The following PRKN variants were observed in gnomAD, a reference collection of about 807,000 sequenced individuals.
The protein encoded by PRKN is E3 ubiquitin-protein ligase parkin.
PRKN carries 56 observed loss-of-function variants against 59.5 expected under a neutral mutation model. That is an observed-to-expected ratio of 0.94 (90% CI 0.76 to 1.18). The LOEUF is 1.18. Among genes scored for constraint, PRKN ranks in the 50% most tolerant of loss-of-function variants. The probability of loss-of-function intolerance (pLI) is 0.00; values close to 1 mark genes in which losing one functional copy is unlikely to be tolerated. For missense variants in PRKN, 657 were observed against 596.4 expected (o/e 1.10, Z -1.06); for synonymous variants, 250 against 222.1 (o/e 1.13, Z -1.12).
chr6:161,669,717 T>G (rs1784842587), intron 7 of PRKN, among the ~76,000 whole-genome samples: 1 of 152,264 alleles, frequency 6.6e-6, no homozygotes, highest in Non-Finnish European at 1.5e-5. Flanking sequence ...TTTTATCTGC[T>G]GCAGTGTTGG....
intron 6 of PRKN, among the ~76,000 whole-genome samples, chr6:161,903,517 T>A (rs1778016106): frequency 6.6e-6 from 1 of 152,152 alleles, no homozygotes; most frequent in South Asian, 2.1e-4. Context: ...CAGCCTCTGA[T>A]GGGAGGAAAA....
chr6:162,114,156 C>A (rs1252943279), intron 4 of PRKN, among the ~76,000 whole-genome samples: 2 of 152,082 alleles, frequency 1.3e-5, no homozygotes, highest in Non-Finnish European at 2.9e-5. Flanking sequence ...CGTGATGCCT[C>A]CAGCTTTGTT....
intron 3 of PRKN, among the ~76,000 whole-genome samples, chr6:162,237,472 T>C (rs576737066): frequency 4.1e-4 from 63 of 152,342 alleles, no homozygotes; most frequent in African/African-American, 1.4e-3. Flanking sequence ...TGTTAAATGT[T>C]TGCAATGCCT....
In PRKN at chr6:161,957,708, T is replaced by C. The variant is rs562636374; in HGVS notation, c.734+15594A>G. Among the ~76,000 whole-genome samples, 6 of 152,158 alleles carry C rather than the reference T, an allele frequency of 3.9e-5. No individual in the cohort carries two copies. The South Asian group carries it at 6.2e-4, about 16-fold the overall frequency. ...AAAATGCTGGGATTACAGGCGTGAG[T>C]CACCGCGCCCAGCCCATGTCTTCTC... On this transcript the variant is annotated intron_variant, in intron 6 of 11. Transcript: ENST00000366898.
intron 2 of PRKN, among the ~76,000 whole-genome samples, chr6:162,369,649 A>G (rs1208509196): frequency 1.3e-5 from 2 of 152,206 alleles, no homozygotes; most frequent in Non-Finnish European, 1.5e-5. Context: ...TTGAGTACGT[A>G]GTTTAAATGT....
intron 1 of PRKN, among the ~76,000 whole-genome samples, chr6:162,476,300 G>A (rs372664169): frequency 2.7e-5 from 4 of 147,882 alleles, no homozygotes; most frequent in African/African-American, 1.0e-4. Context: ...TCAAACTCCC[G>A]ACCTCAGGTG....
intron 5 of PRKN, among the ~76,000 whole-genome samples, chr6:162,033,718 T>G (rs1313483600): frequency 6.6e-6 from 1 of 152,186 alleles, no homozygotes; most frequent in Non-Finnish European, 1.5e-5. Flanking sequence ...TTTTTTATCA[T>G]AAAGCTAATT....
chr6:162,206,085 G>C (rs1583196947), intron 3 of PRKN, among the ~76,000 whole-genome samples: 1 of 152,102 alleles, frequency 6.6e-6, no homozygotes, highest in East Asian at 1.9e-4. Flanking sequence ...CAGAAACAGG[G>C]GGGACTTCCG....
At chr6:161,896,449 C>G (rs1777629804) in intron 6 of PRKN, among the ~76,000 whole-genome samples, 1 of 152,166 alleles carries the variant, frequency 6.6e-6, no homozygotes, top group South Asian at 2.1e-4. Flanking sequence ...ATTCTTCCAG[C>G]CACACCTACC....
intron 1 of PRKN, among the ~76,000 whole-genome samples, chr6:162,616,733 TA>T (rs1311449761): frequency 3.3e-5 from 5 of 152,162 alleles, no homozygotes; most frequent in Non-Finnish European, 7.3e-5. Context: ...TTACATAATA[TA>T]ACACTATTCT....
chr6:162,439,893 G>A (rs1049854260), intron 2 of PRKN, among the ~76,000 whole-genome samples: 5 of 152,016 alleles, frequency 3.3e-5, no homozygotes, highest in African/African-American at 4.8e-5. Context: ...AAGGCTTCCC[G>A]TCAATAGCAG....
chr6:162,212,977 G>A (rs574343840), intron 3 of PRKN, among the ~76,000 whole-genome samples: 4 of 152,242 alleles, frequency 2.6e-5, no homozygotes, highest in South Asian at 2.1e-4. Flanking sequence ...AAATCTTATG[G>A]GGCCATTGTT....
intron 4 of PRKN, among the ~76,000 whole-genome samples, chr6:162,166,006 C>T (rs920629455): frequency 3.6e-5 from 5 of 140,778 alleles, no homozygotes; most frequent in Non-Finnish European, 1.5e-5. Context: ...CAGGGTCATG[C>T]CACTGCACTC....
chr6:161,948,903 T>G (rs1046516074), intron 6 of PRKN, among the ~76,000 whole-genome samples: 3 of 152,214 alleles, frequency 2.0e-5, no homozygotes, highest in Non-Finnish European at 4.4e-5. Context: ...CATGTTCTCA[T>G]GTAGTATAAA....
intron 7 of PRKN, among the ~76,000 whole-genome samples, chr6:161,776,723 A>G (rs1201540022): frequency 6.6e-6 from 1 of 152,166 alleles, no homozygotes; most frequent in Admixed American, 6.5e-5. Context: ...CTGGGGTTGA[A>G]GACCACAGCC....
intron 1 of PRKN, among the ~76,000 whole-genome samples, chr6:162,638,043 T>C (rs554880771): frequency 6.6e-6 from 1 of 151,578 alleles, no homozygotes; most frequent in East Asian, 2.0e-4. Flanking sequence ...CTTTATATAG[T>C]TTCTTTCATA....
chr6:161,922,864 TTAAC>T (rs1309131980), intron 6 of PRKN, among the ~76,000 whole-genome samples: 2 of 152,214 alleles, frequency 1.3e-5, no homozygotes, highest in Non-Finnish European at 2.9e-5. Context: ...GCAAACTCAA[TTAAC>T]TAATTAAAAA....
intron 2 of PRKN, among the ~76,000 whole-genome samples, chr6:162,359,074 AAAAAAAT>A (rs1562699468): frequency 9.6e-6 from 1 of 104,624 alleles, no homozygotes; most frequent in African/African-American, 4.1e-5. Flanking sequence ...AAAAAAAAAA[AAAAAAAT>A]ATATATATAT....
In PRKN at chr6:161,799,518, C is replaced by T. The variant is rs1442014346; in HGVS notation, c.735-13610G>A. ...CAGTTTGGAGAGCACCCAATACTTG[C>T]GACTTCCACATAATGGAAAGGAAAA... is the stretch of plus-strand genomic sequence containing the variant. On this transcript the variant is annotated intron_variant, in intron 6 of 11. Transcript: ENST00000366898. Among the ~76,000 whole-genome samples the T allele has an allele frequency of 3.3e-5, 5 of 152,262 alleles. No homozygotes were observed. The South Asian group carries it at 6.2e-4, about 19-fold the overall frequency.
Sources: allele counts gnomAD v4.1 joint callset (sites outside exome capture counted in the v4.1 genomes callset), GRCh38; gene constraint gnomAD v4.1.1; transcripts MANE v1.5; gene names NCBI Gene and HGNC (gene_info 2026-07-23, HGNC 2026-07-21).